NBPF20: variants seen among roughly 807,000 people sequenced by gnomAD.
The protein encoded by NBPF20 is NBPF family member NBPF20.
NBPF20 carries 90 observed loss-of-function variants against 68.1 expected under a neutral mutation model. The observed-to-expected ratio is 1.32, with a 90% CI of 1.11 to 1.58. The LOEUF is 1.58. Ranked by LOEUF, NBPF20 falls within the 40% of genes most tolerant of loss-of-function variation. NBPF20 has a pLI of 0.00. For synonymous variants in NBPF20, 290 were observed against 228.1 expected (o/e 1.27, Z -2.45); for missense variants, 816 against 601.2 (o/e 1.36, Z -3.74).
chr1:145,398,025 G>C (rs1384425758), intron 7 of NBPF20, among the ~76,000 whole-genome samples: 1 of 152,152 alleles, frequency 6.6e-6, no homozygotes, highest in Non-Finnish European at 1.5e-5. Flanking sequence ...AATTCAACAA[G>C]AGTTAACTAT....
At chr1:145,396,664 C>T (rs2101550979) in intron 7 of NBPF20, among the ~76,000 whole-genome samples, 1 of 151,278 alleles carries the variant, frequency 6.6e-6, no homozygotes, top group East Asian at 1.9e-4. Flanking sequence ...TTGGCACAAA[C>T]CCTACAAGCC....
At chr1:145,400,996 G>A (rs1662496448) in intron 5 of NBPF20, 63 bp downstream of exon 10, 1 of 1,525,536 alleles carries the variant, frequency 6.6e-7, no homozygotes, top group African/African-American at 1.4e-5. Context: ...CAGAGAGGGT[G>A]TGCCTCCTAG....
At chr1:145,398,831 T>C (rs1346398563) in intron 7 of NBPF20, among the ~76,000 whole-genome samples, 51 of 150,792 alleles carry the variant, frequency 3.4e-4, no homozygotes, top group Admixed American at 8.6e-4. Context: ...GTTTGGCTAG[T>C]TCACCTGGCT....
upstream of NBPF20, among the ~76,000 whole-genome samples, chr1:145,409,188 C>T (rs1234602925): frequency 2.0e-5 from 3 of 151,560 alleles, no homozygotes; most frequent in African/African-American, 2.4e-5. Flanking sequence ...TTCTTTCATG[C>T]ATCAATGTAA....
intron 6 of NBPF20, among the ~76,000 whole-genome samples, chr1:145,400,011 A>C (rs1392118441): frequency 3.9e-5 from 6 of 152,224 alleles, no homozygotes; most frequent in Non-Finnish European, 7.3e-5. Flanking sequence ...ATATTTCCAA[A>C]TACAAAGGCA....
chr1:145,340,732 G>A, intron 76 of NBPF20, 35 bp downstream of exon 81: 2 of 118,146 alleles, frequency 1.7e-5, no homozygotes, highest in South Asian at 7.7e-5. Context: ...AGAAGACTCA[G>A]TGGATCCTTA....
intron 7 of NBPF20, among the ~76,000 whole-genome samples, chr1:145,398,260 C>A (rs1662355815): frequency 6.6e-6 from 1 of 151,614 alleles, no homozygotes; most frequent in South Asian, 2.1e-4. Flanking sequence ...CTCTCCACCC[C>A]AAATCCACAG....
chr1:145,407,231 G>A (rs1179294888), upstream of NBPF20, among the ~76,000 whole-genome samples: 1 of 150,378 alleles, frequency 6.6e-6, no homozygotes, highest in Non-Finnish European at 1.5e-5. Flanking sequence ...TGAACAATGA[G>A]AACACTTGGA....
the NBPF20 span, among the ~76,000 whole-genome samples, chr1:145,414,884 G>A: frequency 3.3e-5 from 5 of 150,614 alleles, no homozygotes; most frequent in African/African-American, 4.9e-5. Flanking sequence ...GAAGGGATGG[G>A]TTGCCCCTCC....
chr1:145,404,638 C>A (rs1296816048), intron 2 of NBPF20, among the ~76,000 whole-genome samples: 1 of 152,162 alleles, frequency 6.6e-6, no homozygotes. Context: ...CCCCTCAGAG[C>A]AGGTACTGGC....
the NBPF20 span, among the ~76,000 whole-genome samples, chr1:145,424,489 A>T: frequency 6.6e-6 from 1 of 152,244 alleles, no homozygotes; most frequent in African/African-American, 2.4e-5. Flanking sequence ...CTACCAGCAG[A>T]TCTTTTCTTT....
the NBPF20 span, among the ~76,000 whole-genome samples, chr1:145,424,910 G>A: frequency 6.6e-6 from 1 of 152,294 alleles, no homozygotes; most frequent in South Asian, 2.1e-4. Context: ...TGGAGAAACC[G>A]CCAGGAGCAG....
At chr1:145,410,700 ATGTGTGTGTGTG>A in the NBPF20 span, among the ~76,000 whole-genome samples, 85 of 118,308 alleles carry the variant, frequency 7.2e-4, 1 homozygote, top group East Asian at 0.023. Flanking sequence ...ATATATATAT[ATGTGTGTGTGTG>A]TGTGTGTGTG....
chr1:145,409,479 C>A (rs1553668487), upstream of NBPF20, among the ~76,000 whole-genome samples: 4 of 147,648 alleles, frequency 2.7e-5, no homozygotes, highest in African/African-American at 9.9e-5. Context: ...TGGAATGTAA[C>A]AAAAGCCCAC....
At position 145,399,914 on chromosome 1, in the gene NBPF20, T is replaced by C. The variant is rs1430437988; in HGVS notation, c.775+472A>G. The stretch of plus-strand genomic sequence containing the variant: ...GCAAAGTAAAGAAGAAAAGTTTCTG[T>C]CCTGATTTCAGGGTGACTGTGCAGC... On this transcript the variant is annotated intron_variant, in intron 6 of 137. Coordinates refer to ENST00000369373, the Ensembl canonical transcript of NBPF20. Among the ~76,000 whole-genome samples the C allele has an allele frequency of 2.8e-3, 418 of 151,894 alleles. 2 individuals carry two copies. Among genetic ancestry groups the C allele is most frequent in the African/African-American group, 9.4e-3 (390 of 41,414 alleles).
chr1:145,402,338 G>T (rs1553665620), exon 4 of NBPF20: 88 of 1,602,746 alleles, frequency 5.5e-5, no homozygotes, highest in Non-Finnish European at 7.3e-5. Flanking sequence ...TCCCTTAACT[G>T]GGTCAGCTCT....
At chr1:145,397,431 C>T (rs1354663298) in intron 7 of NBPF20, among the ~76,000 whole-genome samples, 4,149 of 152,306 alleles carry the variant, frequency 0.027, 61 homozygotes, top group Non-Finnish European at 0.043. Flanking sequence ...CCAGCATCTT[C>T]AACATTCTTA....
chr1:145,402,239 C>A (rs1263547824), exon 4 of NBPF20: 3 of 1,608,340 alleles, frequency 1.9e-6, no homozygotes, highest in African/African-American at 2.7e-5. Context: ...AGGTCCTGCC[C>A]CTGGGACTTG....
the NBPF20 span, among the ~76,000 whole-genome samples, chr1:145,415,135 G>T: frequency 1.9e-3 from 257 of 135,172 alleles, no homozygotes; most frequent in African/African-American, 6.8e-3. Flanking sequence ...AGGTAAACAC[G>T]TGAACAAATG....
Sources: allele counts gnomAD v4.1 joint callset (sites outside exome capture counted in the v4.1 genomes callset), GRCh38; gene constraint gnomAD v4.1.1; transcripts MANE v1.5; gene names NCBI Gene and HGNC (gene_info 2026-07-23, HGNC 2026-07-21).